Variants in COG3 observed in about 807,000 individuals in gnomAD.
COG3 encodes conserved oligomeric Golgi complex subunit 3.
In COG3, 32 loss-of-function variants were observed where a neutral mutation model predicts 114.1. The ratio of observed to expected loss-of-function variants is 0.28; its 90% CI spans 0.21 to 0.38. The LOEUF is 0.38. Ranked by LOEUF, COG3 falls within the 10% of genes least tolerant of loss-of-function variation. The probability of loss-of-function intolerance (pLI) is 1.00; values close to 1 mark genes in which losing one functional copy is unlikely to be tolerated. For synonymous variants in COG3, 352 were observed against 365.7 expected, an observed-to-expected ratio of 0.96 and a Z score of 0.43; for missense variants, 813 against 973.2, an observed-to-expected ratio of 0.84 and a Z score of 2.19.
chr13:45,483,740 T>G (rs896062348), intron 7 of COG3, among the ~76,000 whole-genome samples: 1 of 152,206 alleles, frequency 6.6e-6, no homozygotes, highest in African/African-American at 2.4e-5. Context: ...CATATTCATA[T>G]TCATATGCAA....
intron 2 of COG3, among the ~76,000 whole-genome samples, chr13:45,478,476 G>A (rs1315671970): frequency 1.3e-5 from 2 of 150,172 alleles, no homozygotes; most frequent in Admixed American, 6.7e-5. Flanking sequence ...ACCGCGCCCA[G>A]CCTTTTTTTT....
chr13:45,531,177 C>A, intron 22 of COG3: 1 of 534,022 alleles, frequency 1.9e-6, no homozygotes, highest in Non-Finnish European at 2.4e-6. Flanking sequence ...TGGTATTTGG[C>A]TACACGAGTA....
chr13:45,534,794 A>G lies in COG3; in HGVS notation c.*63A>G. On this transcript the variant is annotated 3_prime_UTR_variant, in exon 23 of 23. Transcript: ENST00000349995. ...GGAGGAGCAGGCTGAGAAGTCTTGC[A>G]GTCTGCAGGACACCGAGGAATCGTA... 1.3e-6 allele frequency: 2 copies of G among 1,524,040 alleles called. No individual in the cohort carries two copies. Among genetic ancestry groups the G allele is most frequent in the Non-Finnish European group, 1.8e-6 (2 of 1,136,466 alleles). 94.4% of individuals were successfully genotyped at this position (1,524,040 alleles called of 1,614,324 possible).
At chr13:45,496,105 G>A (rs1193303478) in intron 12 of COG3, 47 bp from the exon 13 acceptor site, 1 of 1,550,738 alleles carries the variant, frequency 6.4e-7, no homozygotes, top group African/African-American at 1.4e-5. Flanking sequence ...TTAAAAGAAA[G>A]TGTTTTTCTA....
intron 5 of COG3, among the ~76,000 whole-genome samples, chr13:45,481,598 C>G (rs1886252514): frequency 6.6e-6 from 1 of 152,072 alleles, no homozygotes; most frequent in African/African-American, 2.4e-5. Flanking sequence ...AAGAAATATT[C>G]AGTTTTAGAT....
Position 45,534,854 on chromosome 13 carries a change from T to G in COG3, c.*123T>G. 7.3e-7 allele frequency: 1 copy of G among 1,373,608 alleles called. No individual in the cohort carries two copies. The highest frequency in any genetic ancestry group is 9.4e-7 in the Non-Finnish European group (1 of 1,067,224). 85.1% of individuals were successfully genotyped at this position (1,373,608 alleles called of 1,614,324 possible). A position where few individuals can be genotyped will look rare whatever the true frequency, so the allele number is the denominator to read the frequency against. ...GTCCCCGAGAACCACACGAGCGTGCTGCTCAGTGCTGACTGCAGAATGAAA... is the reference window on the plus strand; with the variant it reads ...GTCCCCGAGAACCACACGAGCGTGCGGCTCAGTGCTGACTGCAGAATGAAA... On this transcript the variant is annotated 3_prime_UTR_variant, in exon 23 of 23. Transcript: ENST00000349995.
intron 8 of COG3, among the ~76,000 whole-genome samples, chr13:45,487,467 G>A (rs1055792232): frequency 1.4e-4 from 22 of 152,180 alleles, no homozygotes; most frequent in African/African-American, 5.1e-4. Flanking sequence ...CCTGTAGAAT[G>A]ATAGAAAACA....
At chr13:45,489,282 C>G (rs1353835648) in intron 8 of COG3, among the ~76,000 whole-genome samples, 2 of 10,502 alleles carry the variant, frequency 1.9e-4, no homozygotes, top group Non-Finnish European at 2.5e-4. Flanking sequence ...AAAAAAAAAG[C>G]CAACCAGTTT....
At chr13:45,517,031 G>A (rs1371017397) in intron 17 of COG3, among the ~76,000 whole-genome samples, 1 of 152,118 alleles carries the variant, frequency 6.6e-6, no homozygotes, top group Non-Finnish European at 1.5e-5. Flanking sequence ...TAAAAGATCA[G>A]AGTAGTTAAT....
intron 13 of COG3, among the ~76,000 whole-genome samples, chr13:45,500,106 A>G (rs61953519): frequency 0.2 from 13,830 of 70,032 alleles, 792 homozygotes; most frequent in Admixed American, 0.3. Context: ...ATATATATAT[A>G]TATATATATA....
chr13:45,482,245 A>G (rs553057060), intron 5 of COG3, 136 bp from the exon 6 acceptor site: 83 of 518,902 alleles, frequency 1.6e-4, no homozygotes, highest in African/African-American at 1.5e-3. Context: ...ATTCGAGGAT[A>G]TTTTGGTGAC....
intron 19 of COG3, 22 bp from the exon 20 acceptor site, chr13:45,524,954 T>A (rs775408516): frequency 6.2e-7 from 1 of 1,604,200 alleles, no homozygotes; most frequent in African/African-American, 1.3e-5. Flanking sequence ...GAAACTTTTT[T>A]TCTTTTTGTC....
intron 12 of COG3, among the ~76,000 whole-genome samples, 191 bp from the exon 13 acceptor site, chr13:45,495,961 G>A (rs1868715870): frequency 1.3e-5 from 2 of 152,246 alleles, no homozygotes; most frequent in South Asian, 4.2e-4. Context: ...CAGTTTTAAA[G>A]TTGAGGAAAT....
intron 19 of COG3, among the ~76,000 whole-genome samples, chr13:45,520,599 G>A (rs1872026262): frequency 6.6e-6 from 1 of 152,132 alleles, no homozygotes; most frequent in Non-Finnish European, 1.5e-5. Context: ...TAATTAAAAA[G>A]GCCAAAAATG....
intron 17 of COG3, among the ~76,000 whole-genome samples, chr13:45,518,359 C>T (rs1443367387): frequency 1.3e-5 from 2 of 152,154 alleles, no homozygotes; most frequent in Non-Finnish European, 2.9e-5. Flanking sequence ...TTGGCTGACA[C>T]ATTAGTTTAT....
chr13:45,478,533 C>T (rs531228508), intron 2 of COG3, among the ~76,000 whole-genome samples: 6 of 149,008 alleles, frequency 4.0e-5, no homozygotes, highest in East Asian at 2.0e-4. Flanking sequence ...AGTGCAATGG[C>T]GCGATCTCGG....
At chr13:45,526,076 A>ATTTTTTTTTTTTTTTTTTTTTT (rs386379016) in intron 20 of COG3, among the ~76,000 whole-genome samples, 4 of 56,582 alleles carry the variant, frequency 7.1e-5, no homozygotes, top group African/African-American at 1.4e-4. Context: ...CAAAATTTTA[A>ATTTTTTTTTTTTTTTTTTTTTT]TTTTTTTTTT....
chr13:45,490,729 TAAA>T (rs1332643519), intron 8 of COG3, among the ~76,000 whole-genome samples, 183 bp from the exon 9 acceptor site: 1 of 147,902 alleles, frequency 6.8e-6, no homozygotes, highest in Non-Finnish European at 1.5e-5. Context: ...ACTGTGGATA[TAAA>T]AAAACTGAAA....
intron 3 of COG3, 34 bp downstream of exon 3, chr13:45,479,100 A>AAGAT: frequency 6.9e-7 from 1 of 1,441,916 alleles, no homozygotes; most frequent in Non-Finnish European, 9.6e-7. Flanking sequence ...TGAATATCTT[A>AAGAT]ATTTTTAGAT....
Sources: allele counts gnomAD v4.1 joint callset (sites outside exome capture counted in the v4.1 genomes callset), GRCh38; gene constraint gnomAD v4.1.1; transcripts MANE v1.5; gene names NCBI Gene and HGNC (gene_info 2026-07-23, HGNC 2026-07-21).